The following TRAK1 variants were observed in gnomAD, a reference collection of about 807,000 sequenced individuals.
TRAK1 encodes the protein trafficking kinesin-binding protein 1.
In TRAK1, 33 loss-of-function variants were observed where a neutral mutation model predicts 92.1. The observed-to-expected ratio is 0.36, with a 90% CI of 0.27 to 0.48. The LOEUF (loss-of-function observed/expected upper bound fraction) is 0.48, where lower values mean the gene tolerates loss of function less well. Among genes scored for constraint, TRAK1 ranks in the 20% least tolerant of loss-of-function variants. The pLI is 0.99. For synonymous variants in TRAK1, 521 were observed against 517.3 expected (o/e 1.01, Z -0.10); for missense variants, 1,123 against 1,257.9 (o/e 0.89, Z 1.62).
At chr3:42,128,175 A>G (rs1454597205) in intron 2 of TRAK1, among the ~76,000 whole-genome samples, 1 of 152,202 alleles carries the variant, frequency 6.6e-6, no homozygotes, top group Non-Finnish European at 1.5e-5. Context: ...GCGAAACTCC[A>G]TCTCAAAACA....
chr3:42,197,825 G>T (rs745445770), intron 10 of TRAK1, among the ~76,000 whole-genome samples: 4 of 152,208 alleles, frequency 2.6e-5, no homozygotes, highest in Non-Finnish European at 4.4e-5. Flanking sequence ...CGGAGCATCC[G>T]CATGGACCAT....
chr3:42,199,358 G>A (rs1707203002), intron 11 of TRAK1, 105 bp downstream of exon 11: 1 of 1,095,070 alleles, frequency 9.1e-7, no homozygotes, highest in Non-Finnish European at 1.4e-6. Flanking sequence ...GACAGTGATT[G>A]ACTATTGTCC....
In TRAK1 at chr3:42,219,628, G is replaced by A. The variant is rs182669412; in HGVS notation, c.2066+32G>A. 4.0e-5 allele frequency: 62 copies of A among 1,557,776 alleles called. No individual in the cohort carries two copies. In the African/African-American group the frequency reaches 6.5e-4, roughly 16 times the overall value. On this transcript the variant is annotated intron_variant, in intron 15 of 15. Coordinates refer to ENST00000327628, the MANE Select transcript of TRAK1 (RefSeq NM_001042646.3). ...GACCCTGGCTTTGGGGTGGGCAGGG[G>A]TGGGGTGAAGTCAGGGCACTCCCTT...
chr3:42,071,838 CA>C (rs770690764), intron 1 of TRAK1, among the ~76,000 whole-genome samples: 1 of 152,058 alleles, frequency 6.6e-6, no homozygotes, highest in African/African-American at 2.4e-5. Flanking sequence ...TAACCCTTCT[CA>C]GGCAAAGTTT....
intron 1 of TRAK1, among the ~76,000 whole-genome samples, chr3:42,066,150 A>G (rs1347298598): frequency 6.6e-6 from 1 of 151,794 alleles, no homozygotes; most frequent in South Asian, 2.1e-4. Context: ...ACATGGCAAA[A>G]CCCCGTCTCT....
intron 1 of TRAK1, among the ~76,000 whole-genome samples, chr3:42,079,143 G>A (rs1704305769): frequency 6.6e-6 from 1 of 152,190 alleles, no homozygotes; most frequent in Admixed American, 6.5e-5. Context: ...ACTGTGATCG[G>A]ATAAATGGCT....
At chr3:42,172,846 A>G (rs1364248436) in intron 2 of TRAK1, among the ~76,000 whole-genome samples, 1 of 152,150 alleles carries the variant, frequency 6.6e-6, no homozygotes, top group East Asian at 1.9e-4. Flanking sequence ...TAATTTTCTT[A>G]TATTAAATTA....
At chr3:42,132,412 G>A (rs916705048) in intron 2 of TRAK1, among the ~76,000 whole-genome samples, 2 of 151,306 alleles carry the variant, frequency 1.3e-5, no homozygotes, top group African/African-American at 4.9e-5. Context: ...ACAGGCACAT[G>A]CCACCATGCC....
chr3:42,210,257 A>G, intron 14 of TRAK1: 1 of 1,523,652 alleles, frequency 6.6e-7, no homozygotes, highest in Non-Finnish European at 8.8e-7. Flanking sequence ...TGTGTGGGTG[A>G]TGATTAAAGC....
intron 14 of TRAK1, among the ~76,000 whole-genome samples, chr3:42,217,027 TCA>T (rs1709778745): frequency 6.6e-6 from 1 of 152,096 alleles, no homozygotes; most frequent in African/African-American, 2.4e-5. Flanking sequence ...CTTGGTGACT[TCA>T]CAGTGAGCCC....
At chr3:42,194,155 A>T (rs1406398955) in intron 9 of TRAK1, among the ~76,000 whole-genome samples, 1 of 152,242 alleles carries the variant, frequency 6.6e-6, no homozygotes, top group African/African-American at 2.4e-5. Context: ...AAATGTTCAA[A>T]GAAATGAAAC....
intron 3 of TRAK1, among the ~76,000 whole-genome samples, chr3:42,183,959 A>G (rs1039646865): frequency 4.6e-5 from 7 of 152,110 alleles, no homozygotes; most frequent in Non-Finnish European, 1.0e-4. Context: ...TGCCTAATTG[A>G]TGCCATCAGC....
chr3:42,083,374 C>T (rs927281705), upstream of TRAK1, among the ~76,000 whole-genome samples: 1 of 152,074 alleles, frequency 6.6e-6, no homozygotes, highest in Non-Finnish European at 1.5e-5. Flanking sequence ...AATTTCCCTG[C>T]CAGTTTTACT....
rs1710162631 is a variant in TRAK1, at chr3:42,123,450, C to T, written c.92-1970C>T. 2.0e-5 allele frequency among the ~76,000 whole-genome samples: 3 copies of T among 152,248 alleles called. No individual in the cohort carries two copies. The South Asian group carries it at 6.2e-4, about 32-fold the overall frequency. ...CCTGGCCCTGCAGTGAATCCCTGGC[C>T]CTGGCCCTTCCTGCTTCCTGTGACA... On this transcript the variant is annotated intron_variant, in intron 1 of 15. Transcript: ENST00000327628.
At chr3:42,176,468 T>C (rs1336101801) in intron 2 of TRAK1, among the ~76,000 whole-genome samples, 1 of 152,220 alleles carries the variant, frequency 6.6e-6, no homozygotes, top group Non-Finnish European at 1.5e-5. Flanking sequence ...TGGGTGGCTG[T>C]GCTACTGGCC....
At chr3:42,107,921 C>T (rs996241424) in intron 1 of TRAK1, among the ~76,000 whole-genome samples, 6 of 151,370 alleles carry the variant, frequency 4.0e-5, no homozygotes, top group African/African-American at 7.3e-5. Context: ...TACTAGATGT[C>T]GTTTCCATCC....
Position 42,223,482 on chromosome 3 carries a change from G to T in TRAK1, c.2607G>T (p.Glu869Asp). 6.2e-7 allele frequency: 1 copy of T among 1,613,800 alleles called. No individual in the cohort carries two copies. The highest frequency in any genetic ancestry group is 8.5e-7 in the Non-Finnish European group (1 of 1,180,004). Residue 869 changes from glutamate to aspartate, a missense_variant, in exon 16 of 16, where the codon GAG becomes GAT. This residue lies in a region of TRAK1 where 401 missense variants were observed against 438.9 expected (regional missense o/e 0.91). Transcript: ENST00000327628. The surrounding 1 kb of genome is among the most constrained non-coding windows in gnomAD (Gnocchi z 6.1). ...CCCATGTCCCCACCTTGACTGAGGA[G>T]CAGGGACCCCTCCTCTGTGGGCCCC... ...GRAHVPTLTE[E>D]QGPLLCGPPG...
chr3:42,082,273 A>G (rs1704473314), upstream of TRAK1, among the ~76,000 whole-genome samples: 1 of 152,128 alleles, frequency 6.6e-6, no homozygotes, highest in South Asian at 2.1e-4. Context: ...AAAGTTATAT[A>G]AAGCTTGGTT....
intron 2 of TRAK1, among the ~76,000 whole-genome samples, chr3:42,161,193 G>C (rs567637740): frequency 1.3e-5 from 2 of 152,306 alleles, no homozygotes; most frequent in South Asian, 2.1e-4. Context: ...CCAGATGCTG[G>C]TATGAGCTTT....
Sources: allele counts gnomAD v4.1 joint callset (sites outside exome capture counted in the v4.1 genomes callset), GRCh38; gene constraint gnomAD v4.1.1; regional missense constraint gnomAD v4.1.1; non-coding constraint Gnocchi (gnomAD v3.1); transcripts MANE v1.5; gene names NCBI Gene and HGNC (gene_info 2026-07-23, HGNC 2026-07-21).